The following PRDM6 variants were observed in gnomAD, a reference collection of about 807,000 sequenced individuals.
PRDM6 encodes PR/SET domain 6.
In PRDM6, 25 loss-of-function variants were observed where a neutral mutation model predicts 60.8. That is an observed-to-expected ratio of 0.41 (90% CI 0.30 to 0.57). The LOEUF (loss-of-function observed/expected upper bound fraction) is 0.57. Among genes scored for constraint, PRDM6 ranks in the 20% least tolerant of loss-of-function variants. PRDM6 has a pLI of 0.27. For synonymous variants in PRDM6, 407 were observed against 357.4 expected (o/e 1.14, Z -1.57); for missense variants, 839 against 821.3 (o/e 1.02, Z -0.26).
At chr5:123,162,892 T>G (rs983406062) in intron 5 of PRDM6, among the ~76,000 whole-genome samples, 1 of 152,248 alleles carries the variant, frequency 6.6e-6, no homozygotes, top group African/African-American at 2.4e-5. Context: ...TTCCTTCTTC[T>G]GTGCTAAGAA....
rs1766317871 is a variant in PRDM6 at position 123,187,603 on chromosome 5, A to T, written c.*402A>T. On this transcript the variant is annotated 3_prime_UTR_variant, in exon 8 of 8. Transcript: ENST00000407847. Reference sequence around the variant, plus strand: ...GTTCTCGTTGCACCTTTTTTTAGTAACATGTTTCATGGGGACCCACTGTAC... The same window carrying T: ...GTTCTCGTTGCACCTTTTTTTAGTATCATGTTTCATGGGGACCCACTGTAC... 5.2e-6 allele frequency: 1 copy of T among 193,238 alleles called. No homozygotes were observed. Among genetic ancestry groups the T allele is most frequent in the Admixed American group, 5.5e-5 (1 of 18,172 alleles). 12.0% of individuals were successfully genotyped at this position (193,238 alleles called of 1,614,324 possible).
In PRDM6 at chr5:123,187,285, G is replaced by C; in HGVS notation, c.*84G>C. On this transcript the variant is annotated 3_prime_UTR_variant, in exon 8 of 8. Coordinates refer to ENST00000407847, the MANE Select transcript of PRDM6 (RefSeq NM_001136239.4). ...TTAAGCAAAACCAAAGATTTCCTCT[G>C]AGCAACTTTCAATCAGTCCCAGAAA... The C allele has an allele frequency of 9.3e-7, 1 of 1,069,716 alleles. No homozygotes were observed. Among genetic ancestry groups the C allele is most frequent in the South Asian group, 1.4e-5 (1 of 72,500 alleles). The allele number at this position is 1,069,716 out of a possible 1,614,324, so 66.3% of individuals were successfully genotyped here. A position where few individuals can be genotyped will look rare whatever the true frequency, so the allele number is the denominator to read the frequency against.
At chr5:123,167,595 G>C (rs1365133083) in intron 5 of PRDM6, among the ~76,000 whole-genome samples, 1 of 151,980 alleles carries the variant, frequency 6.6e-6, no homozygotes, top group Non-Finnish European at 1.5e-5. Context: ...CTCCATGTTG[G>C]TCAGGCTGGT....
chr5:123,098,481 T>G (rs1158411003), intron 2 of PRDM6, among the ~76,000 whole-genome samples: 2 of 152,196 alleles, frequency 1.3e-5, no homozygotes, highest in Non-Finnish European at 2.9e-5. Flanking sequence ...CGGAGGGCGC[T>G]GCGATCCGAC....
intron 3 of PRDM6, among the ~76,000 whole-genome samples, chr5:123,136,168 A>G (rs762613420): frequency 5.9e-5 from 9 of 152,158 alleles, no homozygotes; most frequent in Non-Finnish European, 1.3e-4. Flanking sequence ...TTACAAGGTT[A>G]TATTTCAACC....
At chr5:123,101,588 A>G (rs577226883) in intron 3 of PRDM6, among the ~76,000 whole-genome samples, 21 of 152,358 alleles carry the variant, frequency 1.4e-4, no homozygotes, top group Non-Finnish European at 2.5e-4. Flanking sequence ...TCGTACAGCA[A>G]TTGTTCAATA....
chr5:123,180,450 C>A (rs922983403), intron 7 of PRDM6, 127 bp downstream of exon 7: 1 of 977,908 alleles, frequency 1.0e-6, no homozygotes, highest in Non-Finnish European at 1.5e-6. Context: ...AGTGTCCAGG[C>A]TGCAAACGAA....
At chr5:123,125,163 G>A (rs200410633) in intron 3 of PRDM6, among the ~76,000 whole-genome samples, 487 of 40,966 alleles carry the variant, frequency 0.012, 2 homozygotes, top group Non-Finnish European at 0.016. Context: ...CCCCCCACCC[G>A]CCGGCCCCGC....
At chr5:123,091,251 A>G (rs943053102) in intron 2 of PRDM6, among the ~76,000 whole-genome samples, 1 of 152,222 alleles carries the variant, frequency 6.6e-6, no homozygotes, top group Admixed American at 6.5e-5. Context: ...AGGAAAAGAA[A>G]AAAAAATGAC....
intron 5 of PRDM6, 35 bp downstream of exon 5, chr5:123,159,673 A>G: frequency 6.5e-7 from 1 of 1,545,418 alleles, no homozygotes; most frequent in African/African-American, 1.4e-5. Flanking sequence ...TTCACATTTC[A>G]ATATACCTAT....
intron 2 of PRDM6, among the ~76,000 whole-genome samples, chr5:123,093,511 C>T (rs1174477300): frequency 2.0e-5 from 3 of 152,202 alleles, no homozygotes; most frequent in African/African-American, 7.2e-5. Context: ...ATGTTCCTAA[C>T]TCCGTATCAG....
chr5:123,121,418 C>T (rs982929537), intron 3 of PRDM6, among the ~76,000 whole-genome samples: 11 of 151,970 alleles, frequency 7.2e-5, no homozygotes, highest in African/African-American at 2.2e-4. Flanking sequence ...GGTCTCACTC[C>T]GTCACCCAGA....
Position 123,194,112 on chromosome 5 carries a change from A to G in PRDM6, c.*6911A>G, listed in dbSNP as rs1766480652. 6.6e-6 allele frequency: 1 copy of G among 152,222 alleles called. No homozygotes were observed. The highest frequency in any genetic ancestry group is 1.5e-5 in the Non-Finnish European group (1 of 68,036). The allele number at this position is 152,222 out of a possible 1,614,324, so 9.4% of individuals were successfully genotyped here. On this transcript the variant is annotated 3_prime_UTR_variant, in exon 8 of 8. Transcript: ENST00000407847. The stretch of plus-strand genomic sequence containing the variant: ...ATTATTTAATGAAAAAATAACTGCA[A>G]AGGACCAATGAGATCATGCATGCTG...
intron 3 of PRDM6, among the ~76,000 whole-genome samples, chr5:123,119,449 TA>T (rs1764531027): frequency 6.6e-6 from 1 of 152,170 alleles, no homozygotes; most frequent in South Asian, 2.1e-4. Flanking sequence ...AGGAAGGGCT[TA>T]CAGTCCTGCC....
chr5:123,119,739 G>A (rs891973091), intron 3 of PRDM6, among the ~76,000 whole-genome samples: 1 of 152,082 alleles, frequency 6.6e-6, no homozygotes, highest in African/African-American at 2.4e-5. Flanking sequence ...CATTGTCAGC[G>A]GTGTCAGAGA....
Position 123,090,592 on chromosome 5 carries a change from G to C in PRDM6, c.578G>C (p.Ser193Thr), listed in dbSNP as rs1358380933. The C allele has an allele frequency of 6.6e-7, 1 of 1,523,892 alleles. No homozygotes were observed. Among genetic ancestry groups the C allele is most frequent in the South Asian group, 1.2e-5 (1 of 83,458 alleles). The allele number at this position is 1,523,892 out of a possible 1,614,324, so 94.4% of individuals were successfully genotyped here. Residue 193 changes from serine (S) to threonine (T), a missense_variant, in exon 2 of 8, where the codon AGC (serine) becomes ACC (threonine). By Grantham distance (58) the Ser-to-Thr change is moderately conservative (BLOSUM62 1). Transcript: ENST00000407847. ...MEIIPLNQHT[S>T]DPNNRCDMCA... ...ATCATCCCGCTCAACCAGCACACCA[G>C]CGACCCCAACAACCGTACGTAGCCG... is the stretch of plus-strand genomic sequence containing the variant.
At chr5:123,168,348 T>G (rs1307236976) in intron 5 of PRDM6, among the ~76,000 whole-genome samples, 2 of 152,120 alleles carry the variant, frequency 1.3e-5, no homozygotes, top group African/African-American at 4.8e-5. Context: ...CCTTTAAATT[T>G]CGAAACACAG....
chr5:123,188,383 G>A lies in PRDM6; in HGVS notation c.*1182G>A, dbSNP rs1766335914. 6.6e-6 allele frequency: 1 copy of A among 152,206 alleles called. No individual in the cohort carries two copies. The highest frequency in any genetic ancestry group is 1.5e-5 in the Non-Finnish European group (1 of 68,036). 9.4% of individuals were successfully genotyped at this position (152,206 alleles called of 1,614,324 possible). A position where few individuals can be genotyped will look rare whatever the true frequency, so the allele number is the denominator to read the frequency against. ...TTGAGATTGATTAATTGAAAGAGAA[G>A]GAATTCTCCACACAATTTCACTATT... On this transcript the variant is annotated 3_prime_UTR_variant, in exon 8 of 8. Coordinates refer to ENST00000407847, the MANE Select transcript of PRDM6 (RefSeq NM_001136239.4).
chr5:123,101,840 T>C (rs943222999), intron 3 of PRDM6, among the ~76,000 whole-genome samples: 19 of 152,238 alleles, frequency 1.2e-4, no homozygotes, highest in South Asian at 4.1e-4. Context: ...CTTTCTTTTC[T>C]ACCTTTACTT....
Sources: gnomAD v4.1 joint callset for allele counts (sites outside exome capture counted in the v4.1 genomes callset) on GRCh38, gnomAD v4.1.1 for gene constraint, MANE v1.5 for transcripts, NCBI Gene and HGNC (gene_info 2026-07-23, HGNC 2026-07-21) for gene names.